Variants in WWOX observed in about 807,000 individuals in gnomAD.
The protein encoded by WWOX is WW domain containing oxidoreductase, also known as WW domain-containing oxidoreductase.
WWOX carries 69 observed loss-of-function variants against 46.2 expected under a neutral mutation model. The observed-to-expected ratio is 1.49, with a 90% CI of 1.23 to 1.82. WWOX has a LOEUF of 1.82. Ranked by LOEUF, WWOX falls within the 40% of genes most tolerant of loss-of-function variation. The probability of loss-of-function intolerance (pLI) is 0.00; values close to 1 mark genes in which losing one functional copy is unlikely to be tolerated. For missense variants in WWOX, 919 were observed against 542.6 expected (o/e 1.69, Z -6.89); for synonymous variants, 359 against 202.6 (o/e 1.77, Z -6.56).
chr16:78,768,608 A>C (rs62038564), intron 8 of WWOX, among the ~76,000 whole-genome samples: 2 of 149,400 alleles, frequency 1.3e-5, no homozygotes, highest in Non-Finnish European at 3.0e-5. Flanking sequence ...AAAAAAAAAA[A>C]GGCTTTGGAG....
intron 8 of WWOX, among the ~76,000 whole-genome samples, chr16:78,916,475 C>T (rs567421784): frequency 1.3e-5 from 2 of 152,166 alleles, no homozygotes; most frequent in Admixed American, 1.3e-4. Context: ...TGGGGAGATT[C>T]TGCTCTAAAG....
chr16:78,744,216 G>T (rs1351903374), intron 8 of WWOX, among the ~76,000 whole-genome samples: 1 of 152,124 alleles, frequency 6.6e-6, no homozygotes, highest in African/African-American at 2.4e-5. Context: ...GTAAGAGTTT[G>T]TGAAAAGACA....
At chr16:78,859,027 A>AAAAATATAT (rs1555551610) in intron 8 of WWOX, among the ~76,000 whole-genome samples, 1 of 23,700 alleles carries the variant, frequency 4.2e-5, no homozygotes, top group African/African-American at 1.8e-4. Flanking sequence ...AAAAAAAAAA[A>AAAAATATAT]ATATATATAT....
intron 8 of WWOX, among the ~76,000 whole-genome samples, chr16:78,862,009 A>G (rs1301372581): frequency 6.6e-6 from 1 of 152,170 alleles, no homozygotes; most frequent in Admixed American, 6.5e-5. Context: ...GTGTGTGTGT[A>G]TCTATGTATA....
chr16:78,840,931 T>G (rs943193140), intron 8 of WWOX, among the ~76,000 whole-genome samples: 8 of 152,220 alleles, frequency 5.3e-5, no homozygotes, highest in Middle Eastern at 3.4e-3. Context: ...GTAGGACTAT[T>G]GCCAGTGGAG....
intron 8 of WWOX, among the ~76,000 whole-genome samples, chr16:78,659,358 C>G (rs1034195799): frequency 2.6e-5 from 4 of 152,004 alleles, no homozygotes; most frequent in African/African-American, 7.2e-5. Flanking sequence ...AGGCTCGTCC[C>G]CAAGCGACAA....
At chr16:78,105,924 C>G (rs557806469) in intron 1 of WWOX, among the ~76,000 whole-genome samples, 2 of 152,182 alleles carry the variant, frequency 1.3e-5, no homozygotes, top group African/African-American at 4.8e-5. Flanking sequence ...GCCTCAGCCA[C>G]TCAAGTAGCT....
intron 8 of WWOX, among the ~76,000 whole-genome samples, chr16:78,439,692 C>G (rs1359248441): frequency 6.6e-6 from 1 of 152,216 alleles, no homozygotes; most frequent in Non-Finnish European, 1.5e-5. Flanking sequence ...CTTTAGGCCG[C>G]AAGTTATTAA....
At chr16:78,269,709 G>A (rs1487389855) in intron 5 of WWOX, among the ~76,000 whole-genome samples, 1 of 152,084 alleles carries the variant, frequency 6.6e-6, no homozygotes, top group African/African-American at 2.4e-5. Flanking sequence ...GTATATTGTC[G>A]AAGCAGAAAG....
chr16:79,105,352 A>C (rs2049286966), intron 8 of WWOX, among the ~76,000 whole-genome samples: 1 of 152,160 alleles, frequency 6.6e-6, no homozygotes, highest in Non-Finnish European at 1.5e-5. Flanking sequence ...TCATCATCTC[A>C]AAACTCAGAG....
At chr16:78,259,326 T>G (rs1450005385) in intron 5 of WWOX, among the ~76,000 whole-genome samples, 1 of 152,180 alleles carries the variant, frequency 6.6e-6, no homozygotes, top group East Asian at 1.9e-4. Context: ...CCATTTTATT[T>G]TTATTTATAT....
chr16:78,946,590 T>G (rs2045953293), intron 8 of WWOX, among the ~76,000 whole-genome samples: 2 of 152,186 alleles, frequency 1.3e-5, no homozygotes, highest in Admixed American at 6.5e-5. Flanking sequence ...ACATCAGAGT[T>G]CACCCTGGAA....
At chr16:78,545,016 A>G (rs867029485) in intron 8 of WWOX, among the ~76,000 whole-genome samples, 2 of 151,934 alleles carry the variant, frequency 1.3e-5, no homozygotes, top group South Asian at 2.1e-4. Flanking sequence ...GCTTTACAAA[A>G]GAGAGAGAGA....
rs142084212 is a variant in WWOX at position 78,841,434 on chromosome 16, G to A, written c.1057-370174G>A. ...TCCAAAATCTGGATTCAGTGACATC[G>A]TGTTGGTAGCTTGAAACTGACCGTG... On this transcript the variant is annotated intron_variant, in intron 8 of 8. Coordinates refer to ENST00000566780, the MANE Select transcript of WWOX (RefSeq NM_016373.4). Among the ~76,000 whole-genome samples the A allele has an allele frequency of 1.2e-4, 19 of 152,250 alleles. No homozygotes were observed. In the South Asian group the frequency reaches 1.7e-3, roughly 13 times the overall value.
intron 8 of WWOX, among the ~76,000 whole-genome samples, chr16:78,665,798 C>T (rs1206635062): frequency 6.6e-6 from 1 of 152,152 alleles, no homozygotes; most frequent in Non-Finnish European, 1.5e-5. Context: ...GATTCTCCTA[C>T]CTCAGACTCT....
intron 8 of WWOX, among the ~76,000 whole-genome samples, chr16:78,828,235 T>C (rs1206949534): frequency 2.0e-5 from 3 of 152,138 alleles, no homozygotes; most frequent in Non-Finnish European, 4.4e-5. Context: ...CCTGTCACAG[T>C]GGCAAAGACA....
chr16:78,630,037 C>G (rs1182855044), intron 8 of WWOX, among the ~76,000 whole-genome samples: 2 of 152,130 alleles, frequency 1.3e-5, no homozygotes, highest in East Asian at 1.9e-4. Flanking sequence ...CAATGTCTCA[C>G]TCATGTAGAC....
At chr16:78,330,926 T>G (rs906243829) in intron 5 of WWOX, among the ~76,000 whole-genome samples, 9 of 152,234 alleles carry the variant, frequency 5.9e-5, no homozygotes, top group African/African-American at 2.2e-4. Context: ...TCCACTTTAT[T>G]TTTAAACACA....
intron 8 of WWOX, among the ~76,000 whole-genome samples, chr16:78,617,521 G>C (rs1249101004): frequency 6.6e-6 from 1 of 152,172 alleles, no homozygotes; most frequent in Non-Finnish European, 1.5e-5. Context: ...ACAAGTGGTG[G>C]ACTTAAGAAG....
Sources: gnomAD v4.1 joint callset for allele counts (sites outside exome capture counted in the v4.1 genomes callset) on GRCh38, gnomAD v4.1.1 for gene constraint, MANE v1.5 for transcripts, NCBI Gene and HGNC (gene_info 2026-07-23, HGNC 2026-07-21) for gene names.